The following ACOT7 variants were observed in gnomAD, a reference collection of about 807,000 sequenced individuals.
ACOT7 encodes the protein cytosolic acyl coenzyme A thioester hydrolase.
A neutral mutation model predicts 40.2 loss-of-function variants in ACOT7; 12 were observed. That is an observed-to-expected ratio of 0.30 (90% CI 0.19 to 0.48). The LOEUF is 0.48. Among genes scored for constraint, ACOT7 ranks in the 20% least tolerant of loss-of-function variants. The pLI is 0.99. For synonymous variants in ACOT7, 228 were observed against 219.5 expected (o/e 1.04, Z -0.34); for missense variants, 395 against 530.8 (o/e 0.74, Z 2.51).
Position 6,264,487 on chromosome 1 carries a change from C to T in ACOT7, c.*110G>A. Reference sequence around the variant, plus strand: ...TGTGATACGAAAACTTCAGACAACACCAGCTCTCAATGTGAATTGGGTTTT... The same window carrying T: ...TGTGATACGAAAACTTCAGACAACATCAGCTCTCAATGTGAATTGGGTTTT... On this transcript the variant is annotated 3_prime_UTR_variant, in exon 9 of 9. Coordinates refer to ENST00000361521, the MANE Select transcript of ACOT7 (RefSeq NM_007274.4). 3.1e-6 allele frequency: 3 copies of T among 975,796 alleles called. No homozygotes were observed. The highest frequency in any genetic ancestry group is 2.1e-4 in the Middle Eastern group (1 of 4,668). The allele number at this position is 975,796 out of a possible 1,614,324, so 60.4% of individuals were successfully genotyped here.
chr1:6,313,971 T>C (rs1196796746), intron 6 of ACOT7, among the ~76,000 whole-genome samples: 1 of 152,176 alleles, frequency 6.6e-6, no homozygotes, highest in Non-Finnish European at 1.5e-5. Flanking sequence ...CCATGAATCC[T>C]GGCATCCAAC....
chr1:6,324,383 C>T (rs1247287453), intron 5 of ACOT7, among the ~76,000 whole-genome samples: 1 of 152,196 alleles, frequency 6.6e-6, no homozygotes, highest in African/African-American at 2.4e-5. Flanking sequence ...AATCGAGATT[C>T]AGGAGGCCAA....
intron 1 of ACOT7, among the ~76,000 whole-genome samples, chr1:6,366,725 G>A (rs60920657): frequency 2.3e-4 from 34 of 150,798 alleles, no homozygotes; most frequent in Admixed American, 5.9e-4. Context: ...GCATGATCTC[G>A]GCTCACTGCA....
At chr1:6,309,461 AT>A (rs907844279) in intron 6 of ACOT7, among the ~76,000 whole-genome samples, 10 of 148,640 alleles carry the variant, frequency 6.7e-5, no homozygotes, top group East Asian at 2.0e-4. Context: ...GGATTTTGTT[AT>A]TTTTTTTTTC....
At chr1:6,387,948 CT>C (rs1240220576) in intron 1 of ACOT7, among the ~76,000 whole-genome samples, 2 of 123,960 alleles carry the variant, frequency 1.6e-5, no homozygotes, top group African/African-American at 3.4e-5. Flanking sequence ...TTTTTTTTTT[CT>C]TTTTTTTTGA....
At chr1:6,312,025 C>A (rs574980756) in intron 6 of ACOT7, among the ~76,000 whole-genome samples, 2 of 152,300 alleles carry the variant, frequency 1.3e-5, no homozygotes, top group East Asian at 3.9e-4. Context: ...GCGCCAACAT[C>A]ACCTCAAGTG....
At position 6,294,824 on chromosome 1, in the gene ACOT7, G is replaced by T; in HGVS notation, c.829+40C>A. 6.4e-7 allele frequency: 1 copy of T among 1,564,200 alleles called. No homozygotes were observed. The highest frequency in any genetic ancestry group is 8.8e-7 in the Non-Finnish European group (1 of 1,136,054). ...CTGGTGCAGGGACCCAAGCAGCCGAGGGCCACTGCCTCCCTCGTCTTTGCC... is the reference window on the plus strand; with the variant it reads ...CTGGTGCAGGGACCCAAGCAGCCGATGGCCACTGCCTCCCTCGTCTTTGCC... On this transcript the variant is annotated intron_variant, in intron 7 of 8. Coordinates refer to ENST00000361521, the MANE Select transcript of ACOT7 (RefSeq NM_007274.4). The surrounding 1 kb of genome is among the most constrained non-coding windows in gnomAD (Gnocchi z 4.6).
chr1:6,295,051 G>A, intron 6 of ACOT7, 71 bp from the exon 7 acceptor site: 1 of 1,252,952 alleles, frequency 8.0e-7, no homozygotes, highest in Admixed American at 1.9e-5. Flanking sequence ...CTGGAAACAA[G>A]TTACAACTCG....
chr1:6,368,996 C>CT (rs1013449332), intron 1 of ACOT7, among the ~76,000 whole-genome samples: 13 of 151,858 alleles, frequency 8.6e-5, no homozygotes, highest in African/African-American at 1.2e-4. Flanking sequence ...AAACCACTTT[C>CT]TTTTTTTTTC....
chr1:6,277,830 C>T lies in ACOT7; in HGVS notation c.1014+3272G>A, dbSNP rs564424482. ...CTATCTTCACTGTTTGTTTACTCCT[C>T]CCTCTGAGAGGGTGTGAGGCCCCAG... is the stretch of plus-strand genomic sequence containing the variant. On this transcript the variant is annotated intron_variant, in intron 8 of 8. Transcript: ENST00000361521. Among the ~76,000 whole-genome samples the T allele has an allele frequency of 3.9e-5, 6 of 152,296 alleles. No homozygotes were observed. In the South Asian group the frequency reaches 1.2e-3, roughly 32 times the overall value.
chr1:6,335,145 A>G (rs1313347622), intron 3 of ACOT7, among the ~76,000 whole-genome samples: 5 of 152,052 alleles, frequency 3.3e-5, no homozygotes, highest in African/African-American at 4.8e-5. Flanking sequence ...AGCCTGACCA[A>G]CATGGAGAAA....
chr1:6,266,937 C>T (rs950406831), intron 8 of ACOT7, among the ~76,000 whole-genome samples: 1 of 152,214 alleles, frequency 6.6e-6, no homozygotes, highest in Non-Finnish European at 1.5e-5. Context: ...TGGGAGACAT[C>T]GGGTTGGGAG....
At chr1:6,318,921 T>C (rs1269448470) in intron 5 of ACOT7, among the ~76,000 whole-genome samples, 1 of 152,194 alleles carries the variant, frequency 6.6e-6, no homozygotes, top group Non-Finnish European at 1.5e-5. Context: ...TAGTTAACCA[T>C]CTGACTTGCA....
At chr1:6,316,875 A>G (rs1640510980) in intron 6 of ACOT7, among the ~76,000 whole-genome samples, 2 of 152,150 alleles carry the variant, frequency 1.3e-5, no homozygotes, top group Non-Finnish European at 2.9e-5. Context: ...TCATGGAGTA[A>G]GTATCTGCAA....
chr1:6,349,835 C>A lies in ACOT7; in HGVS notation c.175G>T (p.Gly59Cys). ...IMRPDDANVA[G>C]NVHGGTILKM... is the part of the protein sequence containing the mutation. ...AGGATGGTCCCCCCGTGGACATTGC[C>A]GGCCACGTTGGCATCATCTGGCCGC... Residue 59 changes from glycine to cysteine, a missense_variant, in exon 2 of 9, where the codon GGC becomes TGC. Gly to Cys is a radical substitution (Grantham distance 159). This residue lies in a region of ACOT7 where 309 missense variants were observed against 470.3 expected (regional missense o/e 0.66). Transcript: ENST00000361521. The A allele has an allele frequency of 6.2e-7, 1 of 1,614,130 alleles. No homozygotes were observed. The highest frequency in any genetic ancestry group is 8.5e-7 in the Non-Finnish European group (1 of 1,180,040).
chr1:6,365,259 C>T (rs574096704), intron 1 of ACOT7, among the ~76,000 whole-genome samples: 34 of 152,212 alleles, frequency 2.2e-4, no homozygotes, highest in African/African-American at 7.5e-4. Flanking sequence ...TTCACAGTCT[C>T]GGTCTTGATT....
intron 1 of ACOT7, among the ~76,000 whole-genome samples, chr1:6,372,523 C>T (rs1271355791): frequency 6.6e-6 from 1 of 150,844 alleles, no homozygotes; most frequent in Non-Finnish European, 1.5e-5. Flanking sequence ...TTCAACATGC[C>T]TTCCTAAGTT....
chr1:6,264,729 G>A (rs1208862825), intron 8 of ACOT7, 34 bp from the exon 9 acceptor site: 2 of 1,606,180 alleles, frequency 1.2e-6, no homozygotes, highest in East Asian at 2.2e-5. Context: ...GCAGGTTAGG[G>A]TCACTGCAGA....
chr1:6,371,913 C>A (rs749259086), intron 1 of ACOT7, among the ~76,000 whole-genome samples: 1 of 151,872 alleles, frequency 6.6e-6, no homozygotes, highest in South Asian at 2.1e-4. Context: ...GGTGTGGTAA[C>A]GTGCACCTGT....
Sources: allele counts gnomAD v4.1 joint callset (sites outside exome capture counted in the v4.1 genomes callset), GRCh38; gene constraint gnomAD v4.1.1; regional missense constraint gnomAD v4.1.1; non-coding constraint Gnocchi (gnomAD v3.1); transcripts MANE v1.5; gene names NCBI Gene and HGNC (gene_info 2026-07-23, HGNC 2026-07-21).